Variants in TXNDC16 observed in about 807,000 individuals in gnomAD.
TXNDC16 encodes thioredoxin domain containing 16, also known as thioredoxin domain-containing protein 16.
Under a neutral mutation model 85.6 loss-of-function variants are expected in TXNDC16, and 74 were observed. The ratio of observed to expected loss-of-function variants is 0.86; its 90% CI spans 0.72 to 1.05. The LOEUF (loss-of-function observed/expected upper bound fraction) is 1.05, where lower values mean the gene tolerates loss of function less well. Among genes scored for constraint, TXNDC16 ranks in the 50% least tolerant of loss-of-function variants. The probability of loss-of-function intolerance (pLI) is 0.00; values close to 1 mark genes in which losing one functional copy is unlikely to be tolerated. For missense variants in TXNDC16, 959 were observed against 947.0 expected (o/e 1.01, Z -0.17); for synonymous variants, 335 against 326.5 (o/e 1.03, Z -0.28).
intron 7 of TXNDC16, among the ~76,000 whole-genome samples, chr14:52,515,915 T>C (rs1260709409): frequency 6.6e-6 from 1 of 152,078 alleles, no homozygotes; most frequent in Non-Finnish European, 1.5e-5. Flanking sequence ...AGAGAAGCCA[T>C]ATGGTACAGA....
intron 1 of TXNDC16, among the ~76,000 whole-genome samples, chr14:52,546,362 G>T (rs922160565): frequency 2.0e-5 from 3 of 152,194 alleles, no homozygotes; most frequent in Non-Finnish European, 4.4e-5. Flanking sequence ...TACCTTCAGA[G>T]AAATGCGGCC....
chr14:52,439,420 T>C (rs1209385258), intron 19 of TXNDC16, 26 bp from the exon 20 acceptor site: 3 of 1,568,982 alleles, frequency 1.9e-6, no homozygotes, highest in South Asian at 2.3e-5. Flanking sequence ...ATTGAACATA[T>C]TAATATTTCT....
intron 7 of TXNDC16, among the ~76,000 whole-genome samples, chr14:52,518,239 T>G (rs1251375641): frequency 6.6e-6 from 1 of 152,224 alleles, no homozygotes; most frequent in African/African-American, 2.4e-5. Context: ...GTCTCACAAC[T>G]TTATTTCTCA....
At chr14:52,448,156 C>T (rs1268217034) in intron 18 of TXNDC16, among the ~76,000 whole-genome samples, 1 of 151,588 alleles carries the variant, frequency 6.6e-6, no homozygotes, top group East Asian at 1.9e-4. Flanking sequence ...AGAGAATTTC[C>T]CAAACTTAGA....
intron 14 of TXNDC16, among the ~76,000 whole-genome samples, chr14:52,479,803 C>T (rs1385846846): frequency 6.6e-6 from 1 of 152,024 alleles, no homozygotes; most frequent in Non-Finnish European, 1.5e-5. Flanking sequence ...TCATTCTTCA[C>T]AGAACTAGAA....
At chr14:52,437,794 G>A (rs2035064544) in intron 20 of TXNDC16, among the ~76,000 whole-genome samples, 2 of 152,072 alleles carry the variant, frequency 1.3e-5, no homozygotes, top group Non-Finnish European at 2.9e-5. Context: ...ACATTCAAAC[G>A]GAAAATAGGT....
intron 12 of TXNDC16, among the ~76,000 whole-genome samples, chr14:52,485,168 T>C (rs1362940491): frequency 2.6e-5 from 4 of 152,200 alleles, no homozygotes; most frequent in African/African-American, 9.6e-5. Context: ...GAGAGTAATA[T>C]GGATGATCTT....
chr14:52,439,371 C>A lies in TXNDC16; in HGVS notation c.2027G>T (p.Gly676Val), dbSNP rs374110782. ...AGGATCAAAATATGCCCTCAAGATT[C>A]CTCTCCCCACTGGAGTATTCTTTCT... is the stretch of plus-strand genomic sequence containing the variant. ...LNLKNTPVGR[G>V]ILRAYFDPLP... Residue 676 changes from glycine to valine, a missense_variant, in exon 20 of 21, where the codon GGA becomes GTA. Physicochemically the swap from Gly to Val is moderately radical, Grantham distance 109. Transcript: ENST00000281741. 8.1e-6 allele frequency: 13 copies of A among 1,613,544 alleles called. 1 individual carries two copies. The African/African-American group carries it at 1.7e-4, about 22-fold the overall frequency.
intron 4 of TXNDC16, among the ~76,000 whole-genome samples, chr14:52,541,724 G>A (rs190001291): frequency 6.6e-6 from 1 of 152,110 alleles, no homozygotes; most frequent in East Asian, 1.9e-4. Flanking sequence ...AGTATCACTG[G>A]GTTACCCCTC....
At chr14:52,463,672 T>C (rs1359919302) in intron 16 of TXNDC16, among the ~76,000 whole-genome samples, 16 of 152,226 alleles carry the variant, frequency 1.1e-4, no homozygotes, top group Admixed American at 1.0e-3. Context: ...AAGAGTTGGT[T>C]ATAGTCTGTT....
chr14:52,491,955 G>A (rs1273375269), intron 9 of TXNDC16, among the ~76,000 whole-genome samples: 1 of 152,178 alleles, frequency 6.6e-6, no homozygotes, highest in African/African-American at 2.4e-5. Flanking sequence ...TCCTAAAATT[G>A]CTCAGGAACT....
At position 52,470,582 on chromosome 14, in the gene TXNDC16, T is replaced by C. The variant is rs2035883802; in HGVS notation, c.1411A>G (p.Lys471Glu). The change falls in exon 15 of 21, where the codon AAG becomes GAG. Residue 471 changes from lysine (K) to glutamate (E), a missense_variant. Physicochemically the swap from Lys to Glu is moderately conservative, Grantham distance 56. Transcript: ENST00000281741. ...VTEFPIIKMY[K>E]KGENPVSYAG... ...TAAGATACTGGGTTCTCGCCTTTCTTGTACATCTTTATGATAGGAAATTCA... is the reference window on the plus strand; with the variant it reads ...TAAGATACTGGGTTCTCGCCTTTCTCGTACATCTTTATGATAGGAAATTCA... 1.2e-6 allele frequency: 2 copies of C among 1,614,062 alleles called. No homozygotes were observed. Among genetic ancestry groups the C allele is most frequent in the Non-Finnish European group, 1.7e-6 (2 of 1,179,966 alleles).
Position 52,497,863 on chromosome 14 carries a change from G to A in TXNDC16, c.757-6858C>T, listed in dbSNP as rs573173011. ...GCCACTGCACTCCAGCCTGGGCAAC[G>A]GAGCAAGACTCTGTCTCAAAAAAAA... On this transcript the variant is annotated intron_variant, in intron 9 of 20. Transcript: ENST00000281741. Among the ~76,000 whole-genome samples, 931 of 140,716 alleles carry A rather than the reference G, an allele frequency of 6.6e-3. 14 individuals carry two copies. The highest frequency in any genetic ancestry group is 0.024 in the African/African-American group (874 of 36,492). The allele number at this position is 140,716 out of a possible 152,430, so 92.3% of individuals were successfully genotyped here.
intron 20 of TXNDC16, among the ~76,000 whole-genome samples, chr14:52,434,722 T>C (rs1325897756): frequency 6.6e-6 from 1 of 152,234 alleles, no homozygotes; most frequent in African/African-American, 2.4e-5. Flanking sequence ...AGAACACCAC[T>C]GTTGGCAAAG....
intron 9 of TXNDC16, among the ~76,000 whole-genome samples, chr14:52,509,482 A>C (rs1260132373): frequency 2.4e-5 from 3 of 124,668 alleles, no homozygotes; most frequent in African/African-American, 3.5e-5. Flanking sequence ...AAAGACCTTT[A>C]AACTGCTTTC....
intron 9 of TXNDC16, among the ~76,000 whole-genome samples, chr14:52,491,759 C>T (rs2036414252): frequency 6.6e-6 from 1 of 152,204 alleles, no homozygotes; most frequent in East Asian, 1.9e-4. Flanking sequence ...CATCTAATTT[C>T]ACTCCCTCCA....
chr14:52,472,182 G>C (rs2035922203), intron 14 of TXNDC16, among the ~76,000 whole-genome samples: 1 of 150,664 alleles, frequency 6.6e-6, no homozygotes, highest in Non-Finnish European at 1.5e-5. Context: ...GCAAGATTTA[G>C]TCTGTCTTTT....
intron 6 of TXNDC16, among the ~76,000 whole-genome samples, chr14:52,527,733 T>C (rs1199291831): frequency 6.6e-6 from 1 of 152,134 alleles, no homozygotes; most frequent in Non-Finnish European, 1.5e-5. Flanking sequence ...TGCCGTAAGG[T>C]CAATTCTCTA....
chr14:52,445,070 G>A (rs1271131486), intron 18 of TXNDC16, among the ~76,000 whole-genome samples: 1 of 152,068 alleles, frequency 6.6e-6, no homozygotes, highest in East Asian at 1.9e-4. Context: ...TTTAGGTTTG[G>A]GGAAATGTAT....
Sources: allele counts gnomAD v4.1 joint callset (sites outside exome capture counted in the v4.1 genomes callset), GRCh38; gene constraint gnomAD v4.1.1; transcripts MANE v1.5; gene names NCBI Gene and HGNC (gene_info 2026-07-23, HGNC 2026-07-21).